The following KANK2 variants were observed in gnomAD, a reference collection of about 807,000 sequenced individuals.
KANK2 encodes the protein KN motif and ankyrin repeat domain-containing protein 2.
Under a neutral mutation model 74.6 loss-of-function variants are expected in KANK2, and 41 were observed. The observed-to-expected ratio is 0.55, with a 90% CI of 0.43 to 0.71. The LOEUF is 0.71. Among genes scored for constraint, KANK2 ranks in the 30% least tolerant of loss-of-function variants. The probability of loss-of-function intolerance (pLI) is 0.00; values close to 1 mark genes in which losing one functional copy is unlikely to be tolerated. For synonymous variants in KANK2, 537 were observed against 519.0 expected (o/e 1.03, Z -0.47); for missense variants, 1,148 against 1,196.4 (o/e 0.96, Z 0.60).
chr19:11,190,429 C>A (rs551979358), intron 4 of KANK2, among the ~76,000 whole-genome samples: 1 of 152,220 alleles, frequency 6.6e-6, no homozygotes, highest in South Asian at 2.1e-4. Context: ...GGTTTGGATA[C>A]TGGCTCAGTT....
intron 9 of KANK2, 139 bp downstream of exon 9, chr19:11,174,334 C>T: frequency 1.4e-6 from 1 of 695,112 alleles, no homozygotes; most frequent in East Asian, 2.7e-5. Flanking sequence ...GAGAGGTGTT[C>T]CCTCTATTAT....
chr19:11,191,207 A>C (rs140842514), intron 4 of KANK2, among the ~76,000 whole-genome samples: 3,059 of 150,640 alleles, frequency 0.02, 51 homozygotes, highest in Non-Finnish European at 0.033. Context: ...CGCCCGGCTA[A>C]TTTTTGTATT....
intron 7 of KANK2, 36 bp downstream of exon 7, chr19:11,176,542 G>A (rs369175303): frequency 1.8e-5 from 28 of 1,537,236 alleles, no homozygotes; most frequent in African/African-American, 1.4e-4. Flanking sequence ...ATCCACCCCC[G>A]GCCCTGCCTG....
intron 4 of KANK2, among the ~76,000 whole-genome samples, chr19:11,188,276 T>C (rs1428171419): frequency 6.6e-6 from 1 of 151,686 alleles, no homozygotes; most frequent in Non-Finnish European, 1.5e-5. Flanking sequence ...CAATGCGAGC[T>C]CAGCTCACTG....
intron 4 of KANK2, among the ~76,000 whole-genome samples, chr19:11,183,258 C>T (rs2078580309): frequency 6.6e-6 from 1 of 152,170 alleles, no homozygotes; most frequent in African/African-American, 2.4e-5. Context: ...AATCTCTGGG[C>T]ACTGAGGGTA....
chr19:11,185,907 TTTAGTCCTAGCTACTCA>T (rs1404291566), intron 4 of KANK2, among the ~76,000 whole-genome samples: 3 of 152,126 alleles, frequency 2.0e-5, no homozygotes, highest in Non-Finnish European at 2.9e-5. Context: ...GGCACTTGCC[TTTAGTCCTAGCTACTCA>T]GGAGGCTGAG....
intron 4 of KANK2, among the ~76,000 whole-genome samples, chr19:11,182,546 C>T (rs201170043): frequency 1.7e-5 from 2 of 119,654 alleles, no homozygotes; most frequent in African/African-American, 5.9e-5. Flanking sequence ...AACAAAAAAA[C>T]AAAACAAAAC....
intron 6 of KANK2, among the ~76,000 whole-genome samples, chr19:11,177,093 C>CTTTTT (rs33941817): frequency 4.1e-4 from 43 of 104,782 alleles, no homozygotes; most frequent in Non-Finnish European, 5.4e-4. Flanking sequence ...ACTCACCCTC[C>CTTTTT]TTTTTTTTTT....
rs139186994 is a variant in KANK2, at chr19:11,170,683, C to T, written c.2212-435G>A. Reference sequence around the variant, plus strand: ...CAGCTCACTGCAGCCTCAACCTCCCCAGGCTCAGGTGATCCTCCCACCTCA... The same window carrying T: ...CAGCTCACTGCAGCCTCAACCTCCCTAGGCTCAGGTGATCCTCCCACCTCA... On this transcript the variant is annotated intron_variant, in intron 10 of 12. Transcript: ENST00000586659. This position sits in a 1 kb window ranked among gnomAD's most constrained non-coding sequence, Gnocchi z 5.2. Among the ~76,000 whole-genome samples, 1,332 of 152,310 alleles carry T rather than the reference C, an allele frequency of 8.7e-3. 18 individuals are homozygous for T. Among genetic ancestry groups the T allele is most frequent in the African/African-American group, 0.03 (1,262 of 41,564 alleles).
intron 12 of KANK2, among the ~76,000 whole-genome samples, chr19:11,168,005 G>GTTTTT (rs528176321): frequency 7.8e-5 from 9 of 115,028 alleles, no homozygotes; most frequent in Non-Finnish European, 1.1e-4. Flanking sequence ...CCACGTCCTT[G>GTTTTT]TTTTTTTTTT....
intron 4 of KANK2, among the ~76,000 whole-genome samples, chr19:11,179,982 C>T (rs1426558938): frequency 2.0e-5 from 3 of 152,170 alleles, no homozygotes; most frequent in African/African-American, 7.2e-5. Context: ...TGCCTCAGCC[C>T]CCTGAGCGGC....
At chr19:11,175,383 G>T (rs1337374799) in intron 8 of KANK2, among the ~76,000 whole-genome samples, 1 of 119,880 alleles carries the variant, frequency 8.3e-6, no homozygotes, top group Non-Finnish European at 1.6e-5. Context: ...AGCTGAGATC[G>T]CACCACTGCA....
rs762615321 is a variant in KANK2 at position 11,175,946 on chromosome 19, C to G, written c.1804G>C (p.Glu602Gln). Residue 602 changes from glutamate (E) to glutamine (Q), a missense_variant, in exon 8 of 13, where the codon GAA becomes CAA. By Grantham distance (29) the Glu-to-Gln change is conservative. Coordinates refer to ENST00000586659, the MANE Select transcript of KANK2 (RefSeq NM_001136191.3). ...GCGTTGGGATTGTCCAGGTACTTTT[C>G]CAGGGCCAAGCAGGCTGAGATGAGG... ...PDLISACLAL[E>Q]KYLDNPNALT... is the part of the protein sequence containing the mutation. The G allele has an allele frequency of 6.2e-7, 1 of 1,613,958 alleles. No homozygotes were observed. The highest frequency in any genetic ancestry group is 8.5e-7 in the Non-Finnish European group (1 of 1,179,900).
At position 11,166,207 on chromosome 19, in the gene KANK2, A is replaced by G. The variant is rs995535954; in HGVS notation, c.*351T>C. 8 of 212,810 alleles carry G rather than the reference A, an allele frequency of 3.8e-5. No individual in the cohort carries two copies. The highest frequency in any genetic ancestry group is 1.4e-4 in the African/African-American group (6 of 43,556). The allele number at this position is 212,810 out of a possible 1,614,324, so 13.2% of individuals were successfully genotyped here. On this transcript the variant is annotated 3_prime_UTR_variant, in exon 13 of 13. Coordinates refer to ENST00000586659, the MANE Select transcript of KANK2 (RefSeq NM_001136191.3). ...CCTGCAACAATGATTCAAAAATACA[A>G]TATTTTTTTCCTCTCCCTCTTCCTC...
intron 12 of KANK2, among the ~76,000 whole-genome samples, chr19:11,167,557 T>G (rs1196798532): frequency 3.4e-5 from 5 of 144,990 alleles, no homozygotes; most frequent in African/African-American, 1.3e-4. Flanking sequence ...AGGCGGAATC[T>G]CACTCTGTCA....
Position 11,170,012 on chromosome 19 carries a change from C to G in KANK2, c.2412+36G>C. 1 of 1,612,028 alleles carries G rather than the reference C, an allele frequency of 6.2e-7. No individual in the cohort carries two copies. The highest frequency in any genetic ancestry group is 8.5e-7 in the Non-Finnish European group (1 of 1,178,266). ...TGAATGACGTCCCCATGCTGTGCTC[C>G]CGCCCTCCCCGGGGTGCACCTGGTT... On this transcript the variant is annotated intron_variant, in intron 11 of 12. Coordinates refer to ENST00000586659, the MANE Select transcript of KANK2 (RefSeq NM_001136191.3). This position sits in a 1 kb window ranked among gnomAD's most constrained non-coding sequence, Gnocchi z 5.2.
chr19:11,194,462 T>C lies in KANK2; in HGVS notation c.37+13A>G. On this transcript the variant is annotated intron_variant, in intron 3 of 12. Transcript: ENST00000586659. ...CTCCCCGGGGCAGGGCCCTCTTCCC[T>C]GAGTCCCCTGACCTGGGAAGGGAGC... 2.5e-6 allele frequency: 4 copies of C among 1,606,742 alleles called. No individual in the cohort carries two copies. The highest frequency in any genetic ancestry group is 3.4e-6 in the Non-Finnish European group (4 of 1,175,298).
At chr19:11,172,636 C>T (rs147868218) in intron 10 of KANK2, among the ~76,000 whole-genome samples, 32 of 152,276 alleles carry the variant, frequency 2.1e-4, no homozygotes, top group Admixed American at 1.4e-3. Context: ...GCTTGAGTCC[C>T]GGTGCTCCCT....
At position 11,193,686 on chromosome 19, in the gene KANK2, G is replaced by A. The variant is rs770707707; in HGVS notation, c.394C>T (p.Arg132Cys). 3.7e-5 allele frequency: 60 copies of A among 1,609,200 alleles called. No homozygotes were observed. Among genetic ancestry groups the A allele is most frequent in the Non-Finnish European group, 4.8e-5 (57 of 1,177,676 alleles). Residue 132 changes from arginine to cysteine, a missense_variant, in exon 4 of 13, where the codon CGT becomes TGT. By Grantham distance (180) the Arg-to-Cys change is radical. Coordinates refer to ENST00000586659, the MANE Select transcript of KANK2 (RefSeq NM_001136191.3). This position sits in a 1 kb window ranked among gnomAD's most constrained non-coding sequence, Gnocchi z 9.6. ...PRVERTLLDARRRLEDQAATP... is the reference protein window; with the variant it reads ...PRVERTLLDACRRLEDQAATP... ...GCCGCCTGGTCCTCGAGACGGCGAC[G>A]GGCATCCAGCAGCGTGCGCTCCACC...
Sources: gnomAD v4.1 joint callset for allele counts (sites outside exome capture counted in the v4.1 genomes callset) on GRCh38, gnomAD v4.1.1 for gene constraint, Gnocchi (gnomAD v3.1) non-coding constraint, MANE v1.5 for transcripts, NCBI Gene and HGNC (gene_info 2026-07-23, HGNC 2026-07-21) for gene names.